LMF1: variants seen among roughly 807,000 people sequenced by gnomAD.
LMF1 encodes the protein lipase maturation factor 1, also known as transmembrane protein 112.
In LMF1, 68 loss-of-function variants were observed where a neutral mutation model predicts 60.6. That is an observed-to-expected ratio of 1.12 (90% CI 0.92 to 1.37). The LOEUF (loss-of-function observed/expected upper bound fraction) is 1.37, where lower values mean the gene tolerates loss of function less well. LMF1 is among the 40% of genes most tolerant of loss of function. The pLI, the probability that LMF1 is intolerant of heterozygous loss-of-function variation, is 0.00. For synonymous variants in LMF1, 418 were observed against 324.7 expected (o/e 1.29, Z -3.09); for missense variants, 948 against 767.2 (o/e 1.24, Z -2.78).
chr16:934,808 G>A (rs577397369), intron 2 of LMF1, among the ~76,000 whole-genome samples: 18 of 152,286 alleles, frequency 1.2e-4, no homozygotes, highest in African/African-American at 4.3e-4. Flanking sequence ...GCAGAGCCGC[G>A]GGAAAGCAAC....
Position 918,787 on chromosome 16 carries a change from C to T in LMF1, c.515-7708G>A, listed in dbSNP as rs964108064. Among the ~76,000 whole-genome samples, 18 of 152,164 alleles carry T rather than the reference C, an allele frequency of 1.2e-4. 1 individual carries two copies. Among genetic ancestry groups the T allele is most frequent in the African/African-American group, 4.3e-4 (18 of 41,416 alleles). On this transcript the variant is annotated intron_variant, in intron 3 of 10. Transcript: ENST00000262301. ...ACTTGGATGTGAATTTAAGTGACCACGCGGGGCCGACGTCCCGGGGCGCAC... is the reference window on the plus strand; with the variant it reads ...ACTTGGATGTGAATTTAAGTGACCATGCGGGGCCGACGTCCCGGGGCGCAC...
intron 3 of LMF1, among the ~76,000 whole-genome samples, chr16:928,572 C>A (rs1217764098): frequency 6.6e-6 from 1 of 152,132 alleles, no homozygotes; most frequent in Admixed American, 6.5e-5. Context: ...TGTATGCCCC[C>A]AGCTGACACC....
intron 4 of LMF1, chr16:899,668 C>T (rs1355616701): frequency 6.6e-6 from 1 of 152,242 alleles, no homozygotes. Context: ...TCGGCAGCAC[C>T]GCTCCACGTC....
Position 954,581 on chromosome 16 carries a change from G to C in LMF1, c.279C>G (p.Asn93Lys). 1 of 1,613,250 alleles carries C rather than the reference G, an allele frequency of 6.2e-7. No homozygotes were observed. Among genetic ancestry groups the C allele is most frequent in the Non-Finnish European group, 8.5e-7 (1 of 1,179,790 alleles). The change falls in exon 2 of 11, where the codon AAC becomes AAG. Residue 93 changes from asparagine to lysine, a missense_variant. Coordinates refer to ENST00000262301, the MANE Select transcript of LMF1 (RefSeq NM_022773.4). The part of the protein sequence containing the change: ...GLLPCRVFLK[N>K]FQQYFQDRTS... The stretch of plus-strand genomic sequence containing the variant: ...TCCTGTCCTGGAAGTACTGCTGGAA[G>C]TTCTTCAGGAACACTCTGCAGGGAA...
rs1315284536 is a variant in LMF1, at chr16:878,527, C to A, written c.897+1043G>T. On this transcript the variant is annotated intron_variant, in intron 6 of 10. Transcript: ENST00000262301. The surrounding 1 kb of genome is among the most constrained non-coding windows in gnomAD (Gnocchi z 5.2). ...ACATCCACAGGATGACGAGATTGCACCTCTGCACGGCAGGCTGTGGTGAAA... is the reference window on the plus strand; with the variant it reads ...ACATCCACAGGATGACGAGATTGCAACTCTGCACGGCAGGCTGTGGTGAAA... Among the ~76,000 whole-genome samples, 3 of 152,240 alleles carry A rather than the reference C, an allele frequency of 2.0e-5. No homozygotes were observed. The highest frequency in any genetic ancestry group is 4.4e-5 in the Non-Finnish European group (3 of 68,044).
At chr16:881,810 C>T (rs1053310667) in intron 5 of LMF1, among the ~76,000 whole-genome samples, 3 of 152,208 alleles carry the variant, frequency 2.0e-5, no homozygotes, top group African/African-American at 7.2e-5. Context: ...TAGGCCCACA[C>T]CCGAAGTCCC....
intron 3 of LMF1, among the ~76,000 whole-genome samples, chr16:912,436 A>G (rs1046134706): frequency 2.6e-5 from 4 of 152,236 alleles, no homozygotes; most frequent in Non-Finnish European, 4.4e-5. Flanking sequence ...GCCCGTGAAG[A>G]GGCTGCTACA....
At chr16:855,316 G>A (rs1057108518) in intron 10 of LMF1, 7 of 269,928 alleles carry the variant, frequency 2.6e-5, no homozygotes, top group African/African-American at 1.6e-4. Context: ...GCCCGAGTGG[G>A]ATGAAGGCCC....
chr16:919,808 C>T (rs891471257), intron 3 of LMF1, among the ~76,000 whole-genome samples: 5 of 152,048 alleles, frequency 3.3e-5, no homozygotes, highest in African/African-American at 9.7e-5. Context: ...CGGAGACCCA[C>T]AGACAGAACG....
intron 6 of LMF1, among the ~76,000 whole-genome samples, chr16:875,860 C>T (rs538945232): frequency 0.011 from 1,604 of 152,248 alleles, 29 homozygotes; most frequent in African/African-American, 0.033. Context: ...GGGTGACTCC[C>T]GGGAGTCTCC....
At chr16:900,729 G>GTGTGTGTGTGTGTGTGTGTT (rs59956645) in intron 4 of LMF1, 1 of 79,304 alleles carries the variant, frequency 1.3e-5, no homozygotes, top group African/African-American at 5.1e-5. Flanking sequence ...GTGTGTGTGT[G>GTGTGTGTGTGTGTGTGTGTT]TGTTTTAGTA....
rs1567153065 is a variant in LMF1, at chr16:869,982, GT to G, written c.1316del (p.Tyr439SerfsTer27). On this transcript the variant is annotated frameshift_variant, in exon 9 of 11. Transcript: ENST00000262301. LOFTEE classifies it high-confidence loss of function. The part of the protein sequence containing the change: ...ASAPDAMWED[Y>X]EFKCKPGDPS... ...GGTCACCTGGCTTGCACTTGAACTC[GT>G]AGTCCTCCCACATGGCATCGGGGGC... is the stretch of plus-strand genomic sequence containing the variant. The G allele has an allele frequency of 6.2e-7, 1 of 1,613,308 alleles. No individual in the cohort carries two copies. The highest frequency in any genetic ancestry group is 1.7e-5 in the Admixed American group (1 of 60,014).
intron 3 of LMF1, among the ~76,000 whole-genome samples, chr16:924,991 G>A (rs1025811822): frequency 4.6e-5 from 7 of 152,320 alleles, no homozygotes; most frequent in Non-Finnish European, 7.4e-5. Flanking sequence ...AGCCGGCAGC[G>A]GGGGGTGGAG....
intron 10 of LMF1, among the ~76,000 whole-genome samples, chr16:865,543 C>T (rs2069589017): frequency 6.6e-6 from 1 of 152,128 alleles, no homozygotes; most frequent in Non-Finnish European, 1.5e-5. Flanking sequence ...GACGAGACTT[C>T]ACCATGTTGG....
intron 3 of LMF1, among the ~76,000 whole-genome samples, chr16:922,048 G>T (rs1212625887): frequency 6.6e-6 from 1 of 152,154 alleles, no homozygotes; most frequent in Non-Finnish European, 1.5e-5. Flanking sequence ...TAAGGGGAGA[G>T]AAGCAGCTGT....
At chr16:913,914 T>C (rs1177031098) in intron 3 of LMF1, among the ~76,000 whole-genome samples, 1 of 152,230 alleles carries the variant, frequency 6.6e-6, no homozygotes, top group Non-Finnish European at 1.5e-5. Flanking sequence ...ACAGGGATTC[T>C]GACGCCTCGG....
intron 4 of LMF1, among the ~76,000 whole-genome samples, chr16:905,900 C>A (rs1191556001): frequency 6.6e-6 from 1 of 152,202 alleles, no homozygotes; most frequent in Non-Finnish European, 1.5e-5. Flanking sequence ...TGAGCCACTG[C>A]ACCCAGCCAT....
intron 4 of LMF1, among the ~76,000 whole-genome samples, chr16:909,657 G>A (rs1322640486): frequency 1.3e-5 from 2 of 152,238 alleles, no homozygotes; most frequent in Non-Finnish European, 2.9e-5. Context: ...ACCACGTGGA[G>A]TCATCGCTTC....
chr16:913,631 T>C (rs550614060), intron 3 of LMF1, among the ~76,000 whole-genome samples: 21 of 152,354 alleles, frequency 1.4e-4, no homozygotes, highest in African/African-American at 4.3e-4. Context: ...GCCAGGCTGG[T>C]GCCCAAGGCA....
Sources: allele counts gnomAD v4.1 joint callset (sites outside exome capture counted in the v4.1 genomes callset), GRCh38; gene constraint gnomAD v4.1.1; non-coding constraint Gnocchi (gnomAD v3.1); transcripts MANE v1.5; gene names NCBI Gene and HGNC (gene_info 2026-07-23, HGNC 2026-07-21).